PEX1: variants seen among roughly 807,000 people sequenced by gnomAD.
PEX1 encodes peroxisomal biogenesis factor 1.
PEX1 carries 97 observed loss-of-function variants against 152.5 expected under a neutral mutation model. That is an observed-to-expected ratio of 0.64 (90% CI 0.54 to 0.75). The LOEUF (loss-of-function observed/expected upper bound fraction) is 0.75. Among genes scored for constraint, PEX1 ranks in the 30% least tolerant of loss-of-function variants. The pLI, the probability that PEX1 is intolerant of heterozygous loss-of-function variation, is 0.00. For missense variants in PEX1, 1,357 were observed against 1,516.3 expected (o/e 0.89, Z 1.74); for synonymous variants, 485 against 531.6 (o/e 0.91, Z 1.21).
At chr7:92,526,807 G>C (rs1793287360) in intron 1 of PEX1, among the ~76,000 whole-genome samples, 1 of 152,054 alleles carries the variant, frequency 6.6e-6, no homozygotes, top group South Asian at 2.1e-4. Context: ...TAAAAATAAA[G>C]ATTAGAAACA....
chr7:92,523,419 T>C (rs1793135802), intron 1 of PEX1, among the ~76,000 whole-genome samples: 1 of 151,984 alleles, frequency 6.6e-6, no homozygotes, highest in Non-Finnish European at 1.5e-5. Context: ...ACTCCTGGGC[T>C]CTAGCAATCC....
chr7:92,517,088 GAA>G (rs1186337530), intron 5 of PEX1, among the ~76,000 whole-genome samples, 186 bp downstream of exon 5: 2 of 152,200 alleles, frequency 1.3e-5, no homozygotes, highest in Non-Finnish European at 2.9e-5. Flanking sequence ...TACTTGGCCA[GAA>G]AACATACAAT....
At chr7:92,527,061 C>T (rs139468733) in intron 1 of PEX1, among the ~76,000 whole-genome samples, 108 of 152,232 alleles carry the variant, frequency 7.1e-4, no homozygotes, top group African/African-American at 2.4e-3. Context: ...ATGGGCTGAA[C>T]AGAAACAGCA....
rs1793346270 is a variant in PEX1, at chr7:92,527,670, T to G, written c.129+637A>C. On this transcript the variant is annotated intron_variant, in intron 1 of 23. Transcript: ENST00000248633. ...GACCATGTGCCTCTATTTTTAATTA[T>G]GAAAATATGGACGCTGTATCTCCAC... Among the ~76,000 whole-genome samples the G allele has an allele frequency of 3.3e-5, 5 of 152,248 alleles. No homozygotes were observed. In the South Asian group the frequency reaches 1.0e-3, roughly 31 times the overall value.
In PEX1 at chr7:92,513,717, T is replaced by C; in HGVS notation, c.1359+131A>G. 5 of 668,576 alleles carry C rather than the reference T, an allele frequency of 7.5e-6. No individual in the cohort carries two copies. The Admixed American group carries it at 1.3e-4, about 18-fold the overall frequency. The allele number at this position is 668,576 out of a possible 1,614,324, so 41.4% of individuals were successfully genotyped here. The stretch of plus-strand genomic sequence containing the variant: ...CGAACATGGCATATTTTATGTTATA[T>C]ATAGTTTAACACAATAAAAAAAGAT... On this transcript the variant is annotated intron_variant, in intron 6 of 23. Coordinates refer to ENST00000248633, the MANE Select transcript of PEX1 (RefSeq NM_000466.3).
intron 2 of PEX1, among the ~76,000 whole-genome samples, chr7:92,520,752 G>C (rs1439213521): frequency 4.6e-5 from 7 of 152,200 alleles, no homozygotes; most frequent in Non-Finnish European, 8.8e-5. Context: ...CACACAGAGA[G>C]AGAGAGAAAG....
Position 92,496,699 on chromosome 7 carries a change from C to T in PEX1, c.2783+14G>A, listed in dbSNP as rs750059210. On this transcript the variant is annotated intron_variant, in intron 17 of 23. Transcript: ENST00000248633. ...CAGAGTCAGTTACTTTAAAAACATT[C>T]ATAGGCTACCAACCTAATAAAAATA... 6.4e-7 allele frequency: 1 copy of T among 1,562,262 alleles called. No individual in the cohort carries two copies. Among genetic ancestry groups the T allele is most frequent in the Non-Finnish European group, 8.8e-7 (1 of 1,132,936 alleles).
At position 92,487,400 on chromosome 7, in the gene PEX1, A is replaced by G; in HGVS notation, c.*57T>C. 1.1e-6 allele frequency: 1 copy of G among 892,168 alleles called. No homozygotes were observed. Among genetic ancestry groups the G allele is most frequent in the Non-Finnish European group, 1.8e-6 (1 of 546,940 alleles). The allele number at this position is 892,168 out of a possible 1,614,324, so 55.3% of individuals were successfully genotyped here. On this transcript the variant is annotated 3_prime_UTR_variant, in exon 24 of 24. Transcript: ENST00000248633. Reference sequence around the variant, plus strand: ...ATAGACACCATTTTTTTCCTGTTACAACATATGGAAAAGCCATCAAAAAAC... The same window carrying G: ...ATAGACACCATTTTTTTCCTGTTACGACATATGGAAAAGCCATCAAAAAAC...
intron 1 of PEX1, among the ~76,000 whole-genome samples, chr7:92,527,849 C>T: frequency 6.6e-6 from 1 of 152,258 alleles, no homozygotes; most frequent in Non-Finnish European, 1.5e-5. Context: ...TTGTATTAAC[C>T]TTTCCCGCTC....
chr7:92,506,982 T>G lies in PEX1; in HGVS notation c.1803+12A>C. The G allele has an allele frequency of 6.2e-7, 1 of 1,613,690 alleles. No individual in the cohort carries two copies. The highest frequency in any genetic ancestry group is 8.5e-7 in the Non-Finnish European group (1 of 1,179,640). ...AATGTTACAGAAAAATGAACACACC[T>G]TAACCACTTACCTTTCCTCCTGTGA... On this transcript the variant is annotated intron_variant, in intron 10 of 23. Transcript: ENST00000248633.
intron 1 of PEX1, among the ~76,000 whole-genome samples, chr7:92,522,713 C>T (rs973562754): frequency 1.3e-5 from 2 of 152,012 alleles, no homozygotes; most frequent in South Asian, 2.1e-4. Flanking sequence ...TTAACATATA[C>T]GTTAATAAGT....
intron 1 of PEX1, among the ~76,000 whole-genome samples, chr7:92,524,479 C>T (rs1187651806): frequency 6.6e-6 from 1 of 151,704 alleles, no homozygotes; most frequent in Non-Finnish European, 1.5e-5. Context: ...GTTGGCCAGG[C>T]TGGTCTCGAA....
At chr7:92,522,613 G>A (rs1275052659) in intron 1 of PEX1, among the ~76,000 whole-genome samples, 5 of 152,192 alleles carry the variant, frequency 3.3e-5, no homozygotes, top group Admixed American at 2.6e-4. Context: ...AAAGCTATCT[G>A]TGCAGTATTT....
chr7:92,491,636 C>T, intron 20 of PEX1, 134 bp from the exon 21 acceptor site: 1 of 644,122 alleles, frequency 1.6e-6, no homozygotes. Flanking sequence ...CTCATTAATT[C>T]TCTAACGGTT....
intron 15 of PEX1, among the ~76,000 whole-genome samples, chr7:92,501,248 C>G (rs1791908211): frequency 6.6e-6 from 1 of 152,084 alleles, no homozygotes; most frequent in Non-Finnish European, 1.5e-5. Context: ...TGCTTGAGCC[C>G]AGGAGTTTGA....
chr7:92,501,693 A>C lies in PEX1; in HGVS notation c.2417-20T>G. ...CTAATTCTGTTTAAAAATAAACAAA[A>C]CTTCTTTTACTAGTTATATTCACTA... On this transcript the variant is annotated intron_variant, in intron 14 of 23. Transcript: ENST00000248633. The C allele has an allele frequency of 6.3e-7, 1 of 1,587,550 alleles. No homozygotes were observed. Among genetic ancestry groups the C allele is most frequent in the Admixed American group, 1.7e-5 (1 of 59,868 alleles).
At chr7:92,512,726 G>A (rs139438933) in intron 6 of PEX1, among the ~76,000 whole-genome samples, 8,988 of 152,204 alleles carry the variant, frequency 0.059, 546 homozygotes, top group East Asian at 0.28. Flanking sequence ...CTGACCTCAA[G>A]TGATCCACCC....
In PEX1 at chr7:92,522,195, C is replaced by T. The variant is rs1408895107; in HGVS notation, c.180G>A (p.Trp60Ter). 4 of 1,613,920 alleles carry T rather than the reference C, an allele frequency of 2.5e-6. No homozygotes were observed. The Admixed American group carries it at 6.7e-5, about 27-fold the overall frequency. Residue 60 changes from tryptophan to a stop codon, truncating the protein, a stop_gained, in exon 2 of 24, where the codon TGG (tryptophan) becomes TGA (stop). Coordinates refer to ENST00000248633, the MANE Select transcript of PEX1 (RefSeq NM_000466.3). LOFTEE classifies it high-confidence loss of function. ...VWSHQPAFLSWVEGRHFSDQG... is the reference protein window; with the variant it reads ...VWSHQPAFLS ...GATCACTAAAATGCCTGCCTTCCACCCAGCTCAAGAATGCAGGCTGGTGAC... is the reference window on the plus strand; with the variant it reads ...GATCACTAAAATGCCTGCCTTCCACTCAGCTCAAGAATGCAGGCTGGTGAC...
chr7:92,528,218 G>A, intron 1 of PEX1, 89 bp downstream of exon 1: 2 of 1,517,564 alleles, frequency 1.3e-6, no homozygotes, highest in Non-Finnish European at 1.8e-6. Context: ...GCGCCCGGGT[G>A]GCAGCCGGTG....
Sources: allele counts gnomAD v4.1 joint callset (sites outside exome capture counted in the v4.1 genomes callset), GRCh38; gene constraint gnomAD v4.1.1; transcripts MANE v1.5; gene names NCBI Gene and HGNC (gene_info 2026-07-23, HGNC 2026-07-21).